PRTG: variants seen among roughly 807,000 people sequenced by gnomAD.
PRTG encodes immunoglobulin superfamily, DCC subclass, member 5.
In PRTG, 67 loss-of-function variants were observed where a neutral mutation model predicts 122.5. That is an observed-to-expected ratio of 0.55 (90% CI 0.45 to 0.67). The LOEUF is 0.67. Among genes scored for constraint, PRTG ranks in the 30% least tolerant of loss-of-function variants. PRTG has a pLI of 0.00. For missense variants in PRTG, 1,435 were observed against 1,415.4 expected (o/e 1.01, Z -0.22); for synonymous variants, 554 against 501.1 (o/e 1.11, Z -1.41).
chr15:55,653,708 C>A (rs1422087743), intron 11 of PRTG, among the ~76,000 whole-genome samples: 1 of 152,172 alleles, frequency 6.6e-6, no homozygotes, highest in Non-Finnish European at 1.5e-5. Flanking sequence ...AGGTGATCTG[C>A]CCGCCTTGGC....
intron 2 of PRTG, among the ~76,000 whole-genome samples, chr15:55,737,999 TCTCTATA>T (rs2031471731): frequency 4.7e-5 from 3 of 63,998 alleles, no homozygotes; most frequent in African/African-American, 5.0e-5. Flanking sequence ...TCTCTCTCTC[TCTCTATA>T]TATATATATA....
At position 55,612,820 on chromosome 15, in the gene PRTG, T is replaced by C. The variant is rs1212849900; in HGVS notation, c.*7192A>G. The C allele has an allele frequency of 6.6e-6, 1 of 150,536 alleles. No individual in the cohort carries two copies. Among genetic ancestry groups the C allele is most frequent in the Non-Finnish European group, 1.5e-5 (1 of 67,780 alleles). The allele number at this position is 150,536 out of a possible 1,614,324, so 9.3% of individuals were successfully genotyped here. On this transcript the variant is annotated 3_prime_UTR_variant, in exon 20 of 20. Transcript: ENST00000389286. ...TACAGTCAATTCCCATTTTCTCTTA[T>C]GATTTTATCCACCTAACATATGAGT...
chr15:55,693,759 C>A (rs2059617719), intron 2 of PRTG, among the ~76,000 whole-genome samples: 1 of 152,058 alleles, frequency 6.6e-6, no homozygotes, highest in Admixed American at 6.6e-5. Context: ...ATTATATATA[C>A]ATATACATAT....
Position 55,681,031 on chromosome 15 carries a change from A to C in PRTG, c.677-403T>G, listed in dbSNP as rs143045393. Among the ~76,000 whole-genome samples the C allele has an allele frequency of 8.0e-3, 1,216 of 152,220 alleles. 18 individuals carry two copies. Among genetic ancestry groups the C allele is most frequent in the African/African-American group, 0.028 (1,154 of 41,540 alleles). On this transcript the variant is annotated intron_variant, in intron 4 of 19. Coordinates refer to ENST00000389286, the MANE Select transcript of PRTG (RefSeq NM_173814.6). ...TTTTCTGAATGGCTTCTTTTCAGTT[A>C]GCATAATGTTTTCAAGGTTCACCCA...
In PRTG at chr15:55,619,272, G is replaced by A. The variant is rs1217905403; in HGVS notation, c.*740C>T. The A allele has an allele frequency of 1.3e-5, 2 of 152,056 alleles. No individual in the cohort carries two copies. Among genetic ancestry groups the A allele is most frequent in the Non-Finnish European group, 2.9e-5 (2 of 68,008 alleles). The allele number at this position is 152,056 out of a possible 1,614,324, so 9.4% of individuals were successfully genotyped here. Reference sequence around the variant, plus strand: ...GTATTGAATAGTTCTGTTCTCAAAAGAAATATACTTTCTTGTTTTGGTCAT... The same window carrying A: ...GTATTGAATAGTTCTGTTCTCAAAAAAAATATACTTTCTTGTTTTGGTCAT... On this transcript the variant is annotated 3_prime_UTR_variant, in exon 20 of 20. Transcript: ENST00000389286.
At position 55,639,787 on chromosome 15, in the gene PRTG, G is replaced by A. The variant is rs1421642176; in HGVS notation, c.2179C>T (p.His727Tyr). The A allele has an allele frequency of 6.2e-7, 1 of 1,614,028 alleles. No homozygotes were observed. The highest frequency in any genetic ancestry group is 8.5e-7 in the Non-Finnish European group (1 of 1,180,028). ...GAGGTGTTAGCCTTCGCATAGAGAT[G>A]GTGGGGTGGTGGTGGAGGAGGGACC... ...RMVPPPPPPH[H>Y]LYAKANTSSS... The change falls in exon 13 of 20, where the codon CAT (histidine) becomes TAT (tyrosine). Residue 727 changes from histidine (H) to tyrosine (Y), a missense_variant. Coordinates refer to ENST00000389286, the MANE Select transcript of PRTG (RefSeq NM_173814.6).
chr15:55,641,060 G>A (rs2059287422), intron 12 of PRTG, 53 bp downstream of exon 12: 1 of 1,214,586 alleles, frequency 8.2e-7, no homozygotes, highest in Non-Finnish European at 1.2e-6. Context: ...GGAGGAGGAG[G>A]AGAAAGAACG....
At chr15:55,659,200 T>A (rs973982391) in intron 11 of PRTG, among the ~76,000 whole-genome samples, 2 of 152,166 alleles carry the variant, frequency 1.3e-5, no homozygotes, top group African/African-American at 4.8e-5. Flanking sequence ...CATCTCAAAA[T>A]GGAATAGGAA....
intron 2 of PRTG, among the ~76,000 whole-genome samples, chr15:55,695,127 A>G (rs1595658449): frequency 6.6e-6 from 1 of 150,866 alleles, no homozygotes. Context: ...TTATAGTCAG[A>G]AAAAAAAACA....
intron 2 of PRTG, among the ~76,000 whole-genome samples, chr15:55,710,922 T>C (rs2030357259): frequency 6.6e-6 from 1 of 152,048 alleles, no homozygotes; most frequent in Non-Finnish European, 1.5e-5. Flanking sequence ...TTTTGTTTTT[T>C]TGAGACAGAG....
At chr15:55,628,774 C>T (rs2059209391) in intron 16 of PRTG, 48 bp downstream of exon 16, 1 of 1,458,978 alleles carries the variant, frequency 6.9e-7, no homozygotes, top group Admixed American at 2.0e-5. Flanking sequence ...TAAGGAAGAA[C>T]ACTTTTTTTC....
chr15:55,630,511 G>C (rs1238261186), intron 15 of PRTG, among the ~76,000 whole-genome samples: 1 of 152,202 alleles, frequency 6.6e-6, no homozygotes, highest in African/African-American at 2.4e-5. Flanking sequence ...ACAGGTCTCA[G>C]ATTAAACTAT....
chr15:55,651,487 T>C (rs1024837238), intron 11 of PRTG, among the ~76,000 whole-genome samples: 5 of 152,132 alleles, frequency 3.3e-5, no homozygotes, highest in African/African-American at 1.2e-4. Context: ...TTCTATACCA[T>C]ACCTTCCCCC....
At chr15:55,632,088 T>C (rs1595605754) in intron 15 of PRTG, among the ~76,000 whole-genome samples, 1 of 152,296 alleles carries the variant, frequency 6.6e-6, no homozygotes, top group African/African-American at 2.4e-5. Flanking sequence ...CACCTATACA[T>C]TGATAACTAG....
chr15:55,654,004 G>A (rs1352870004), intron 11 of PRTG, among the ~76,000 whole-genome samples: 1 of 152,144 alleles, frequency 6.6e-6, no homozygotes, highest in Non-Finnish European at 1.5e-5. Flanking sequence ...ATTTAGAGTT[G>A]AAGATTTCTA....
At chr15:55,646,565 A>G (rs927078929) in intron 11 of PRTG, among the ~76,000 whole-genome samples, 14 of 151,358 alleles carry the variant, frequency 9.2e-5, no homozygotes, top group South Asian at 2.1e-4. Flanking sequence ...CTCGTGATCC[A>G]CCCGCCTCGT....
At position 55,619,188 on chromosome 15, in the gene PRTG, G is replaced by T. The variant is rs1355538581; in HGVS notation, c.*824C>A. 3 of 152,118 alleles carry T rather than the reference G, an allele frequency of 2.0e-5. No individual in the cohort carries two copies. The East Asian group carries it at 5.8e-4, about 29-fold the overall frequency. 9.4% of individuals were successfully genotyped at this position (152,118 alleles called of 1,614,324 possible). A position where few individuals can be genotyped will look rare whatever the true frequency, so the allele number is the denominator to read the frequency against. ...TGAGGTTTGGGATATAGGAGATAAA[G>T]CACTCAGACTCTAATGCCCAAAACA... On this transcript the variant is annotated 3_prime_UTR_variant, in exon 20 of 20. Transcript: ENST00000389286.
At chr15:55,724,365 G>C (rs2030947912) in intron 2 of PRTG, among the ~76,000 whole-genome samples, 1 of 152,086 alleles carries the variant, frequency 6.6e-6, no homozygotes, top group Admixed American at 6.6e-5. Flanking sequence ...TGCTGTTTGG[G>C]TGAATATAAT....
At chr15:55,657,073 C>T (rs1330988223) in intron 11 of PRTG, among the ~76,000 whole-genome samples, 1 of 152,134 alleles carries the variant, frequency 6.6e-6, no homozygotes, top group Non-Finnish European at 1.5e-5. Flanking sequence ...CACTGGAATA[C>T]AGTATACCAA....
Sources: gnomAD v4.1 joint callset for allele counts (sites outside exome capture counted in the v4.1 genomes callset) on GRCh38, gnomAD v4.1.1 for gene constraint, MANE v1.5 for transcripts, NCBI Gene and HGNC (gene_info 2026-07-23, HGNC 2026-07-21) for gene names.